Variants in UGGT2 observed in about 807,000 individuals in gnomAD.
The protein encoded by UGGT2 is UDP-glucose:glycoprotein glucosyltransferase 2.
UGGT2 carries 180 observed loss-of-function variants against 192.1 expected under a neutral mutation model. That is an observed-to-expected ratio of 0.94 (90% confidence interval 0.83 to 1.06). UGGT2 has a LOEUF of 1.06. UGGT2 is among the 50% of genes least tolerant of loss of function. The pLI is 0.00. For missense variants in UGGT2, 1,849 were observed against 1,795.7 expected, an observed-to-expected ratio of 1.03 and a Z score of -0.54; for synonymous variants, 580 against 591.0, an observed-to-expected ratio of 0.98 and a Z score of 0.27.
chr13:95,890,864 CCAA>C lies in UGGT2; in HGVS notation c.2953_2955del (p.Leu985del). The C allele has an allele frequency of 6.2e-7, 1 of 1,608,712 alleles. No individual in the cohort carries two copies. The highest frequency in any genetic ancestry group is 8.5e-7 in the Non-Finnish European group (1 of 1,177,268). ...TAGTCTAATTTATATTATCTTACAA[CCAA>C]CAACTGTGCCATTTTCTGTGCTTCT... On this transcript the variant is annotated inframe_deletion, in exon 25 of 39. Transcript: ENST00000376747.
chr13:96,004,415 A>G (rs2051905025), intron 5 of UGGT2, among the ~76,000 whole-genome samples: 1 of 152,180 alleles, frequency 6.6e-6, no homozygotes, highest in African/African-American at 2.4e-5. Context: ...GGTAGTTACC[A>G]GAAGATGGAA....
At chr13:96,014,184 T>G (rs1309906047) in intron 4 of UGGT2, among the ~76,000 whole-genome samples, 1 of 152,168 alleles carries the variant, frequency 6.6e-6, no homozygotes, top group African/African-American at 2.4e-5. Flanking sequence ...TTTTGGCAAT[T>G]TATACAGGTA....
intron 36 of UGGT2, among the ~76,000 whole-genome samples, chr13:95,845,817 C>G (rs376161959): frequency 6.8e-6 from 1 of 147,984 alleles, no homozygotes; most frequent in Non-Finnish European, 1.5e-5. Flanking sequence ...ACATCTCAGA[C>G]GGGGTGGCGG....
chr13:95,890,359 A>C (rs1056321778), intron 25 of UGGT2, among the ~76,000 whole-genome samples: 1 of 152,134 alleles, frequency 6.6e-6, no homozygotes, highest in Non-Finnish European at 1.5e-5. Context: ...GGAGGCTGGG[A>C]ATTCCAAGAT....
chr13:96,007,658 C>T (rs932886692), intron 5 of UGGT2, among the ~76,000 whole-genome samples: 2 of 151,930 alleles, frequency 1.3e-5, no homozygotes, highest in African/African-American at 4.8e-5. Flanking sequence ...ACACAAATAG[C>T]AAACAACATT....
chr13:95,952,030 C>A (rs1185686941), intron 12 of UGGT2, among the ~76,000 whole-genome samples: 1 of 149,990 alleles, frequency 6.7e-6, no homozygotes, highest in Admixed American at 6.6e-5. Context: ...TGCACTCCAG[C>A]CTGGGCAATA....
At chr13:96,007,395 A>T (rs1316950551) in intron 5 of UGGT2, among the ~76,000 whole-genome samples, 1 of 152,200 alleles carries the variant, frequency 6.6e-6, no homozygotes, top group East Asian at 1.9e-4. Flanking sequence ...CTGGAACAAG[A>T]CAAGAATGCC....
intron 5 of UGGT2, among the ~76,000 whole-genome samples, chr13:96,003,454 G>A (rs1029551554): frequency 1.3e-5 from 2 of 152,152 alleles, no homozygotes; most frequent in Non-Finnish European, 2.9e-5. Flanking sequence ...ATGTGACCTT[G>A]CTACTTCTCA....
chr13:96,053,227 ACC>A lies in UGGT2; in HGVS notation c.84_85del (p.Val29ArgfsTer25). On this transcript the variant is annotated frameshift_variant, in exon 1 of 39. Transcript: ENST00000376747. LOFTEE classifies it high-confidence loss of function. ...GGCAGTCACCGACTTGGACGCGGCG[ACC>A]GTCCCGGAGCCGAGCTGCGAAAGCC... 1 of 1,542,330 alleles carries A rather than the reference ACC, an allele frequency of 6.5e-7. No homozygotes were observed.
chr13:95,835,163 T>G (rs192022500), intron 37 of UGGT2, among the ~76,000 whole-genome samples: 2 of 152,288 alleles, frequency 1.3e-5, no homozygotes, highest in Non-Finnish European at 2.9e-5. Flanking sequence ...AATAGCAACA[T>G]GTTAAGGGCT....
In UGGT2 at chr13:95,925,662, G is replaced by C. The variant is rs1270810451; in HGVS notation, c.2295+18C>G. The C allele has an allele frequency of 1.9e-5, 28 of 1,436,854 alleles. No homozygotes were observed. The highest frequency in any genetic ancestry group is 2.3e-5 in the Admixed American group (1 of 43,630). 89.0% of individuals were successfully genotyped at this position (1,436,854 alleles called of 1,614,324 possible). Reference sequence around the variant, plus strand: ...TGAAATAAATTAAAATTGTTAGTAAGAATATCTAGGTACTCACCATGTGCT... The same window carrying C: ...TGAAATAAATTAAAATTGTTAGTAACAATATCTAGGTACTCACCATGTGCT... On this transcript the variant is annotated intron_variant, in intron 20 of 38. Coordinates refer to ENST00000376747, the MANE Select transcript of UGGT2 (RefSeq NM_020121.4).
intron 36 of UGGT2, among the ~76,000 whole-genome samples, chr13:95,850,263 C>T (rs1287108137): frequency 6.6e-6 from 1 of 152,046 alleles, no homozygotes; most frequent in African/African-American, 2.4e-5. Context: ...GAAAAGTAGT[C>T]TATAGTTGGA....
chr13:95,984,291 C>T (rs974624081), intron 9 of UGGT2, among the ~76,000 whole-genome samples: 1 of 152,050 alleles, frequency 6.6e-6, no homozygotes, highest in African/African-American at 2.4e-5. Flanking sequence ...GAAATCATGG[C>T]TTTACATCAC....
intron 15 of UGGT2, among the ~76,000 whole-genome samples, chr13:95,944,142 T>C (rs188526710): frequency 5.3e-5 from 8 of 152,076 alleles, no homozygotes; most frequent in African/African-American, 1.9e-4. Context: ...GCTGGATTTC[T>C]TTTGTTAATA....
intron 12 of UGGT2, among the ~76,000 whole-genome samples, chr13:95,960,545 CAT>C (rs535260765): frequency 3.3e-4 from 50 of 152,136 alleles, no homozygotes; most frequent in Non-Finnish European, 1.8e-4. Context: ...GCCTATGTGA[CAT>C]ATGAGACACC....
chr13:95,854,606 G>T, intron 34 of UGGT2, 131 bp from the exon 35 acceptor site: 1 of 724,832 alleles, frequency 1.4e-6, no homozygotes, highest in Non-Finnish European at 2.0e-6. Flanking sequence ...GTGCTTTCAT[G>T]TAATATGAAT....
chr13:96,022,519 T>C (rs2139116099), intron 4 of UGGT2, among the ~76,000 whole-genome samples: 1 of 151,738 alleles, frequency 6.6e-6, no homozygotes, highest in South Asian at 2.1e-4. Context: ...TCTTTCAAAA[T>C]TAAAAAAACT....
intron 5 of UGGT2, among the ~76,000 whole-genome samples, chr13:95,999,730 G>C (rs181101557): frequency 4.0e-5 from 6 of 151,478 alleles, no homozygotes; most frequent in Admixed American, 6.6e-5. Flanking sequence ...TGTAGGACTA[G>C]AGTGCTGCCA....
At chr13:95,853,313 G>T (rs1889243822) in intron 36 of UGGT2, among the ~76,000 whole-genome samples, 1 of 152,126 alleles carries the variant, frequency 6.6e-6, no homozygotes, top group Non-Finnish European at 1.5e-5. Context: ...GCATAAAGTA[G>T]AAAGTAGAGG....
Sources: allele counts gnomAD v4.1 joint callset (sites outside exome capture counted in the v4.1 genomes callset), GRCh38; gene constraint gnomAD v4.1.1; transcripts MANE v1.5; gene names NCBI Gene and HGNC (gene_info 2026-07-23, HGNC 2026-07-21).